The following CA8 variants were observed in gnomAD, a reference collection of about 807,000 sequenced individuals.
CA8 encodes carbonic anhydrase-related protein.
Under a neutral mutation model 41.4 loss-of-function variants are expected in CA8, and 22 were observed. That is an observed-to-expected ratio of 0.53 (90% CI 0.38 to 0.76). The LOEUF (loss-of-function observed/expected upper bound fraction) is 0.76. Ranked by LOEUF, CA8 falls within the 30% of genes least tolerant of loss-of-function variation. The pLI is 0.00. For missense variants in CA8, 270 were observed against 352.8 expected (o/e 0.77, Z 1.88); for synonymous variants, 121 against 130.6 (o/e 0.93, Z 0.50).
intron 7 of CA8, among the ~76,000 whole-genome samples, chr8:60,218,440 T>A (rs1467027913): frequency 1.3e-5 from 2 of 152,018 alleles, no homozygotes; most frequent in African/African-American, 4.8e-5. Context: ...GTCGAATAAT[T>A]GCCAAATAAA....
At chr8:60,250,609 C>T (rs1013469811) in intron 3 of CA8, among the ~76,000 whole-genome samples, 2 of 152,182 alleles carry the variant, frequency 1.3e-5, no homozygotes, top group Admixed American at 1.3e-4. Context: ...TCCTAAAGGG[C>T]ATCACTTCTT....
At chr8:60,226,042 T>A (rs1233866051) in intron 5 of CA8, among the ~76,000 whole-genome samples, 5 of 152,246 alleles carry the variant, frequency 3.3e-5, no homozygotes, top group Non-Finnish European at 7.3e-5. Context: ...GTCATGTGGA[T>A]CACCTTCTCT....
chr8:60,211,998 A>T (rs562583582), intron 7 of CA8, among the ~76,000 whole-genome samples: 1 of 152,366 alleles, frequency 6.6e-6, no homozygotes, highest in Admixed American at 6.5e-5. Context: ...GTATGACTGC[A>T]TCTATTGTTA....
At chr8:60,206,326 AAAC>A (rs1393583958) in intron 8 of CA8, among the ~76,000 whole-genome samples, 3 of 152,190 alleles carry the variant, frequency 2.0e-5, no homozygotes, top group East Asian at 3.8e-4. Flanking sequence ...AAAATCTCAT[AAAC>A]AACATTTCTC....
At chr8:60,239,389 A>G (rs1041070880) in intron 3 of CA8, among the ~76,000 whole-genome samples, 3 of 152,194 alleles carry the variant, frequency 2.0e-5, no homozygotes, top group African/African-American at 7.2e-5. Flanking sequence ...ATACCCCTAG[A>G]GCAGGGGTGT....
chr8:60,196,820 G>C (rs1047477718), intron 8 of CA8, among the ~76,000 whole-genome samples: 1 of 152,052 alleles, frequency 6.6e-6, no homozygotes, highest in Admixed American at 6.6e-5. Flanking sequence ...TCCTGCAGAA[G>C]ATACTAGTAA....
At chr8:60,274,356 G>A (rs1461036260) in intron 2 of CA8, among the ~76,000 whole-genome samples, 1 of 152,176 alleles carries the variant, frequency 6.6e-6, no homozygotes, top group African/African-American at 2.4e-5. Context: ...ATGGGCGGCG[G>A]TAGGGGGGTG....
intron 3 of CA8, among the ~76,000 whole-genome samples, chr8:60,248,878 T>C (rs1808346839): frequency 6.6e-6 from 1 of 152,214 alleles, no homozygotes; most frequent in Non-Finnish European, 1.5e-5. Context: ...CGATATTGAT[T>C]CTTCCTATTC....
chr8:60,258,646 T>C (rs1275271729), intron 3 of CA8, among the ~76,000 whole-genome samples: 1 of 152,172 alleles, frequency 6.6e-6, no homozygotes, highest in East Asian at 1.9e-4. Flanking sequence ...CACCATAATG[T>C]AGAATCAGTG....
intron 7 of CA8, among the ~76,000 whole-genome samples, chr8:60,214,989 C>A (rs1806966062): frequency 6.6e-6 from 1 of 151,944 alleles, no homozygotes; most frequent in South Asian, 2.1e-4. Flanking sequence ...GGAGGGAATG[C>A]AGAAAAAGGA....
chr8:60,253,966 G>C (rs894441145), intron 3 of CA8, among the ~76,000 whole-genome samples: 1 of 152,122 alleles, frequency 6.6e-6, no homozygotes, highest in African/African-American at 2.4e-5. Context: ...ATGGGAATGT[G>C]AACTGTGGCC....
At position 60,208,772 on chromosome 8, in the gene CA8, C is replaced by G. The variant is rs745722848; in HGVS notation, c.*13G>C. On this transcript the variant is annotated 3_prime_UTR_variant, in exon 8 of 9. Coordinates refer to ENST00000317995, the MANE Select transcript of CA8 (RefSeq NM_004056.6). ...TACCCTCATGAAGACAGACTTGTTC[C>G]TGTCCTCTTTGGCTACTGAAATGCA... The G allele has an allele frequency of 1.9e-6, 3 of 1,614,100 alleles. No homozygotes were observed. Among genetic ancestry groups the G allele is most frequent in the Non-Finnish European group, 2.5e-6 (3 of 1,179,998 alleles).
chr8:60,227,363 CT>C (rs1235711523), intron 4 of CA8, among the ~76,000 whole-genome samples: 1 of 151,906 alleles, frequency 6.6e-6, no homozygotes, highest in African/African-American at 2.4e-5. Flanking sequence ...ATTAAATGGC[CT>C]TTTATTAATA....
Position 60,186,063 on chromosome 8 carries a change from G to A in CA8, c.*3958C>T, listed in dbSNP as rs1442780355. 6.6e-6 allele frequency among the ~76,000 whole-genome samples: 1 copy of A among 151,958 alleles called. No individual in the cohort carries two copies. The highest frequency in any genetic ancestry group is 1.5e-5 in the Non-Finnish European group (1 of 67,938). Reference sequence around the variant, plus strand: ...ACTGGAGTAAGAAATCACACCAGATGGTGACTCAAATTTACAAGACAAAAT... The same window carrying A: ...ACTGGAGTAAGAAATCACACCAGATAGTGACTCAAATTTACAAGACAAAAT... On this transcript the variant is annotated 3_prime_UTR_variant, in exon 9 of 9. Transcript: ENST00000317995.
intron 3 of CA8, 71 bp from the exon 4 acceptor site, chr8:60,232,450 C>T: frequency 1.9e-6 from 2 of 1,026,918 alleles, no homozygotes; most frequent in South Asian, 2.5e-5. Flanking sequence ...AAAGATATAG[C>T]CATTTCTTTA....
chr8:60,190,534 T>C (rs143975768), intron 8 of CA8, among the ~76,000 whole-genome samples: 2,641 of 146,288 alleles, frequency 0.018, 81 homozygotes, highest in African/African-American at 0.062. Context: ...GAAAACAACA[T>C]CAGCTAAGAT....
At chr8:60,221,047 C>T (rs765640398) in intron 7 of CA8, among the ~76,000 whole-genome samples, 2 of 152,198 alleles carry the variant, frequency 1.3e-5, no homozygotes, top group Non-Finnish European at 2.9e-5. Flanking sequence ...TAAATTTCTA[C>T]TGTGTTAAGC....
chr8:60,237,135 C>G (rs1435052665), intron 3 of CA8, among the ~76,000 whole-genome samples: 1 of 152,194 alleles, frequency 6.6e-6, no homozygotes, highest in African/African-American at 2.4e-5. Context: ...CATAAAAGAC[C>G]TCTGCTAGGA....
At chr8:60,237,926 G>A (rs1158089398) in intron 3 of CA8, among the ~76,000 whole-genome samples, 1 of 152,212 alleles carries the variant, frequency 6.6e-6, no homozygotes, top group Non-Finnish European at 1.5e-5. Context: ...TTATTACTCT[G>A]GCAGCATGAT....
Sources: gnomAD v4.1 joint callset for allele counts (sites outside exome capture counted in the v4.1 genomes callset) on GRCh38, gnomAD v4.1.1 for gene constraint, MANE v1.5 for transcripts, NCBI Gene and HGNC (gene_info 2026-07-23, HGNC 2026-07-21) for gene names.